LRRK1: variants seen among roughly 807,000 people sequenced by gnomAD.
LRRK1 encodes leucine rich repeat kinase 1.
LRRK1 carries 113 observed loss-of-function variants against 209.1 expected under a neutral mutation model. The observed-to-expected ratio is 0.54, with a 90% CI of 0.46 to 0.63. LRRK1 has a LOEUF of 0.63. LRRK1 is among the 30% of genes least tolerant of loss of function. The pLI is 0.00. For missense variants in LRRK1, 2,284 were observed against 2,632.2 expected (o/e 0.87, Z 2.89); for synonymous variants, 1,144 against 1,099.7 (o/e 1.04, Z -0.80).
Position 100,977,671 on chromosome 15 carries a change from C to G in LRRK1, c.261+3704C>G, listed in dbSNP as rs1179753510. On this transcript the variant is annotated intron_variant, in intron 3 of 33. Transcript: ENST00000388948. ...ACTGGGTGTCAACTGATTCTAAGTACAGCCCCCAGATTTCCACCCCACCAG... is the reference window on the plus strand; with the variant it reads ...ACTGGGTGTCAACTGATTCTAAGTAGAGCCCCCAGATTTCCACCCCACCAG... Among the ~76,000 whole-genome samples, 3 of 152,224 alleles carry G rather than the reference C, an allele frequency of 2.0e-5. No homozygotes were observed. The East Asian group carries it at 5.8e-4, about 29-fold the overall frequency.
intron 10 of LRRK1, 139 bp from the exon 11 acceptor site, chr15:101,014,177 C>T: frequency 3.0e-6 from 2 of 661,092 alleles, no homozygotes; most frequent in East Asian, 2.6e-5. Context: ...GGGCCCCACA[C>T]AGCTGGGATC....
In LRRK1 at chr15:100,924,692, A is replaced by G. The variant is rs1242348250; in HGVS notation, c.60A>G (p.Ser20=). 6.2e-7 allele frequency: 1 copy of G among 1,614,190 alleles called. No individual in the cohort carries two copies. The change falls in exon 2 of 34, where the codon TCA becomes TCG. Residue 20 remains serine, a synonymous_variant. Transcript: ENST00000388948. The stretch of plus-strand genomic sequence containing the variant: ...ACTGGTGTGTGGGGCCGGAGGAGTC[A>G]GCTGTGTGTCCAGAACGTGCCATGG... ...SMYWCVGPEE[S]AVCPERAMET...
At chr15:100,973,346 C>G (rs1463252333) in intron 2 of LRRK1, among the ~76,000 whole-genome samples, 1 of 152,232 alleles carries the variant, frequency 6.6e-6, no homozygotes, top group Non-Finnish European at 1.5e-5. Context: ...CCACGCCCTT[C>G]GTGGGGTTTT....
intron 12 of LRRK1, among the ~76,000 whole-genome samples, chr15:101,020,742 C>T (rs1158053840): frequency 6.6e-6 from 1 of 152,160 alleles, no homozygotes; most frequent in Non-Finnish European, 1.5e-5. Context: ...TAGACCTGCC[C>T]CATACTTTGT....
Position 100,983,705 on chromosome 15 carries a change from T to A in LRRK1, c.433+6T>A. 6.2e-7 allele frequency: 1 copy of A among 1,608,538 alleles called. No individual in the cohort carries two copies. On this transcript the variant is annotated splice_donor_region_variant and intron_variant, in intron 4 of 33. Coordinates refer to ENST00000388948, the MANE Select transcript of LRRK1 (RefSeq NM_024652.6). ...ATTGCTTGAGTCCTTACCAGGTAAA[T>A]CACAGGGCATGAGCTCTTAACCGTG...
In LRRK1 at chr15:101,054,883, T is replaced by C. The variant is rs2035703684; in HGVS notation, c.4055-63T>C. On this transcript the variant is annotated intron_variant, in intron 26 of 33. Transcript: ENST00000388948. ...GAAGACAAAAAGACAGTTGTTATCA[T>C]GATAATTTGATTCTATCAAAACTGA... The C allele has an allele frequency of 1.0e-5, 14 of 1,336,108 alleles. No homozygotes were observed. The South Asian group carries it at 1.7e-4, about 16-fold the overall frequency. 82.8% of individuals were successfully genotyped at this position (1,336,108 alleles called of 1,614,324 possible). A position where few individuals can be genotyped will look rare whatever the true frequency, so the allele number is the denominator to read the frequency against.
At chr15:100,967,912 A>G (rs886808092) in intron 2 of LRRK1, among the ~76,000 whole-genome samples, 2 of 152,222 alleles carry the variant, frequency 1.3e-5, no homozygotes, top group Non-Finnish European at 1.5e-5. Flanking sequence ...TAAAATATAT[A>G]TAAAGTAAGA....
At chr15:101,011,584 A>ATGTG (rs10675651) in intron 9 of LRRK1, among the ~76,000 whole-genome samples, 2,041 of 150,804 alleles carry the variant, frequency 0.014, 42 homozygotes, top group African/African-American at 0.046. Context: ...AGCATGAAGA[A>ATGTG]TGTGTGTGTG....
chr15:100,974,415 C>CGAAATTGGAA, intron 3 of LRRK1, among the ~76,000 whole-genome samples: 1 of 146,398 alleles, frequency 6.8e-6, no homozygotes, highest in South Asian at 2.2e-4. Context: ...TTCTTCCAGC[C>CGAAATTGGAA]TGCCGATCTG....
At chr15:101,034,492 A>T (rs2034418920) in intron 20 of LRRK1, among the ~76,000 whole-genome samples, 1 of 152,058 alleles carries the variant, frequency 6.6e-6, no homozygotes, top group South Asian at 2.1e-4. Context: ...TTTTCCCAGC[A>T]CCATTTATTG....
chr15:101,010,149 T>C (rs969606661), intron 7 of LRRK1, among the ~76,000 whole-genome samples: 1 of 152,190 alleles, frequency 6.6e-6, no homozygotes, highest in Non-Finnish European at 1.5e-5. Context: ...TGCTCTGTGG[T>C]CTCAGCAGCT....
At chr15:100,989,786 A>G (rs1429942574) in intron 6 of LRRK1, 6 of 279,654 alleles carry the variant, frequency 2.1e-5, no homozygotes, top group Non-Finnish European at 4.0e-5. Context: ...CATTCAAGCT[A>G]TAGCAGGGTG....
At chr15:101,030,498 C>A (rs72766819) in intron 20 of LRRK1, among the ~76,000 whole-genome samples, 2 of 152,128 alleles carry the variant, frequency 1.3e-5, no homozygotes, top group African/African-American at 2.4e-5. Flanking sequence ...AAGTCTGGCA[C>A]GGTGACTGAC....
At chr15:100,941,611 G>C (rs1055094293) in intron 2 of LRRK1, among the ~76,000 whole-genome samples, 2 of 152,034 alleles carry the variant, frequency 1.3e-5, no homozygotes, top group African/African-American at 2.4e-5. Context: ...GATGCTTGCG[G>C]GTGCCTGGGT....
rs746074499 is a variant in LRRK1, at chr15:101,015,339, C to T, written c.1546C>T (p.Leu516=). 5.0e-6 allele frequency: 8 copies of T among 1,613,746 alleles called. No homozygotes were observed. In the East Asian group the frequency reaches 1.6e-4, roughly 31 times the overall value. The change falls in exon 12 of 34, where the codon CTG becomes TTG. Residue 516 remains leucine (L), a synonymous_variant. Transcript: ENST00000388948. The part of the protein sequence containing the change: ...RNQLGKNEDG[L]KTKRIAFFTT... Reference sequence around the variant, plus strand: ...TCCTCCCCCCAGAAATGAAGATGGACTGAAAACGAAGCGTATTGCCTTTTT... The same window carrying T: ...TCCTCCCCCCAGAAATGAAGATGGATTGAAAACGAAGCGTATTGCCTTTTT...
chr15:101,069,056 C>G lies in LRRK1; in HGVS notation c.*208C>G, dbSNP rs1226708969. ...TCTCTGGAGCAGAGTTCTCTGAATACCCCATCCCCCAACTGCTGATTTTAC... is the reference window on the plus strand; with the variant it reads ...TCTCTGGAGCAGAGTTCTCTGAATAGCCCATCCCCCAACTGCTGATTTTAC... On this transcript the variant is annotated 3_prime_UTR_variant, in exon 34 of 34. Coordinates refer to ENST00000388948, the MANE Select transcript of LRRK1 (RefSeq NM_024652.6). 1.3e-5 allele frequency: 6 copies of G among 468,558 alleles called. No individual in the cohort carries two copies. Among genetic ancestry groups the G allele is most frequent in the Non-Finnish European group, 2.2e-5 (6 of 268,074 alleles). 29.0% of individuals were successfully genotyped at this position (468,558 alleles called of 1,614,324 possible).
intron 6 of LRRK1, among the ~76,000 whole-genome samples, chr15:101,005,654 G>GAC (rs2032911897): frequency 6.6e-6 from 1 of 152,218 alleles, no homozygotes; most frequent in African/African-American, 2.4e-5. Context: ...TACAAGAGGA[G>GAC]ACTGGAAGAT....
rs186411717 is a variant in LRRK1, at chr15:101,076,963, A to G, written c.*8115A>G. 2.4e-4 allele frequency: 36 copies of G among 152,048 alleles called. No individual in the cohort carries two copies. Among genetic ancestry groups the G allele is most frequent in the African/African-American group, 8.7e-4 (36 of 41,510 alleles). 9.4% of individuals were successfully genotyped at this position (152,048 alleles called of 1,614,324 possible). ...GTCTGATAACAGACCAGCCTTTATT[A>G]GTCAAATCAGCCAAGCGTTTTTTCA... On this transcript the variant is annotated 3_prime_UTR_variant, in exon 34 of 34. Transcript: ENST00000388948.
intron 2 of LRRK1, among the ~76,000 whole-genome samples, chr15:100,961,649 CAAAA>C (rs10560323): frequency 1.6e-3 from 227 of 142,756 alleles, no homozygotes; most frequent in Middle Eastern, 3.7e-3. Context: ...GAGACTCCGT[CAAAA>C]AAAAAAAAAA....
Sources: gnomAD v4.1 joint callset for allele counts (sites outside exome capture counted in the v4.1 genomes callset) on GRCh38, gnomAD v4.1.1 for gene constraint, MANE v1.5 for transcripts, NCBI Gene and HGNC (gene_info 2026-07-23, HGNC 2026-07-21) for gene names.